SHC3: variants seen among roughly 807,000 people sequenced by gnomAD.
The protein encoded by SHC3 is SHC adaptor protein 3.
Under a neutral mutation model 60.4 loss-of-function variants are expected in SHC3, and 15 were observed. The observed-to-expected ratio is 0.25, with a 90% CI of 0.17 to 0.38. The LOEUF (loss-of-function observed/expected upper bound fraction) is 0.38, where lower values mean the gene tolerates loss of function less well. Ranked by LOEUF, SHC3 falls within the 10% of genes least tolerant of loss-of-function variation. The pLI is 1.00. For missense variants in SHC3, 677 were observed against 786.1 expected (o/e 0.86, Z 1.66); for synonymous variants, 294 against 325.9 (o/e 0.90, Z 1.05).
intron 1 of SHC3, among the ~76,000 whole-genome samples, chr9:89,170,798 C>A (rs962940768): frequency 6.6e-6 from 1 of 152,080 alleles, no homozygotes; most frequent in Non-Finnish European, 1.5e-5. Flanking sequence ...ATTTGTGTAG[C>A]ATTTACATTA....
At chr9:89,114,663 G>A (rs533338874) in intron 1 of SHC3, among the ~76,000 whole-genome samples, 1 of 152,160 alleles carries the variant, frequency 6.6e-6, no homozygotes, top group African/African-American at 2.4e-5. Context: ...GCTAGGTGAT[G>A]AGTATATTTA....
chr9:89,151,840 G>A (rs574433718), intron 1 of SHC3, among the ~76,000 whole-genome samples: 52 of 152,134 alleles, frequency 3.4e-4, no homozygotes, highest in Non-Finnish European at 5.9e-4. Flanking sequence ...TATGATTATA[G>A]GTGATTTTAA....
rs77518659 is a variant in SHC3 at position 89,057,455 on chromosome 9, T to C, written c.836-5292A>G. Among the ~76,000 whole-genome samples the C allele has an allele frequency of 6.7e-3, 1,013 of 151,920 alleles. 7 individuals are homozygous for C. The highest frequency in any genetic ancestry group is 0.017 in the Middle Eastern group (5 of 294). Reference sequence around the variant, plus strand: ...ATAAGGGTATAGCATTTTGCACCCATCAGATTTGTGGGAATTTAAAAGTCT... The same window carrying C: ...ATAAGGGTATAGCATTTTGCACCCACCAGATTTGTGGGAATTTAAAAGTCT... On this transcript the variant is annotated intron_variant, in intron 6 of 11. Transcript: ENST00000375835.
intron 1 of SHC3, among the ~76,000 whole-genome samples, chr9:89,172,492 C>T (rs1826882903): frequency 6.6e-6 from 1 of 151,870 alleles, no homozygotes; most frequent in African/African-American, 2.4e-5. Flanking sequence ...TGTGCAGCTG[C>T]ACATCCCCAC....
At chr9:89,041,582 A>T (rs1824687979) in intron 10 of SHC3, among the ~76,000 whole-genome samples, 1 of 152,192 alleles carries the variant, frequency 6.6e-6, no homozygotes, top group Non-Finnish European at 1.5e-5. Flanking sequence ...CCCTCATAAG[A>T]GAGAGGTGTG....
chr9:89,099,982 T>C (rs1053914027), intron 2 of SHC3, among the ~76,000 whole-genome samples: 1 of 152,224 alleles, frequency 6.6e-6, no homozygotes, highest in African/African-American at 2.4e-5. Flanking sequence ...ATCTGTGCAT[T>C]TCCTATGTTT....
chr9:89,014,561 C>T (rs1826064268), intron 11 of SHC3, among the ~76,000 whole-genome samples: 4 of 152,194 alleles, frequency 2.6e-5, no homozygotes, highest in Non-Finnish European at 5.9e-5. Context: ...TAGCAGTGGT[C>T]TCCTCTCCAT....
Position 89,007,158 on chromosome 9 carries a change from A to G in SHC3, c.*6289T>C, listed in dbSNP as rs1424957068. 2.0e-5 allele frequency: 3 copies of G among 152,246 alleles called. No individual in the cohort carries two copies. The highest frequency in any genetic ancestry group is 2.0e-4 in the Admixed American group (3 of 15,284). 9.4% of individuals were successfully genotyped at this position (152,246 alleles called of 1,614,324 possible). A position where few individuals can be genotyped will look rare whatever the true frequency, so the allele number is the denominator to read the frequency against. On this transcript the variant is annotated 3_prime_UTR_variant, in exon 12 of 12. Coordinates refer to ENST00000375835, the MANE Select transcript of SHC3 (RefSeq NM_016848.6). ...AGCATCTGTGACAGCCAGGAGGAGG[A>G]AAGAAGGGAGGCTGGGATCACCTCC... is the stretch of plus-strand genomic sequence containing the variant.
chr9:89,071,912 C>A (rs1195712032), intron 4 of SHC3, among the ~76,000 whole-genome samples: 1 of 152,220 alleles, frequency 6.6e-6, no homozygotes, highest in African/African-American at 2.4e-5. Flanking sequence ...CCTTGCAAGA[C>A]ATTGTTGTGC....
chr9:89,120,264 T>A (rs1419577378), intron 1 of SHC3, among the ~76,000 whole-genome samples: 1 of 152,018 alleles, frequency 6.6e-6, no homozygotes, highest in Admixed American at 6.6e-5. Flanking sequence ...ACAAAACAAA[T>A]GACATAGGTA....
At chr9:89,020,617 C>A (rs546051123) in intron 11 of SHC3, among the ~76,000 whole-genome samples, 18 of 152,298 alleles carry the variant, frequency 1.2e-4, no homozygotes, top group African/African-American at 4.1e-4. Flanking sequence ...ATCATCCTTA[C>A]CGAAGCTCTT....
At chr9:89,133,303 A>T (rs182074417) in intron 1 of SHC3, among the ~76,000 whole-genome samples, 294 of 152,346 alleles carry the variant, frequency 1.9e-3, no homozygotes, top group African/African-American at 6.6e-3. Flanking sequence ...ACACTTTTAC[A>T]GTGTTGGTGG....
At chr9:89,097,702 T>C (rs116317790) in intron 2 of SHC3, among the ~76,000 whole-genome samples, 2,095 of 152,306 alleles carry the variant, frequency 0.014, 20 homozygotes, top group Middle Eastern at 0.037. Context: ...ACAGGCCTTT[T>C]CTGAGGGCTG....
At position 89,177,182 on chromosome 9, in the gene SHC3, ATT is replaced by A. The variant is rs147458872; in HGVS notation, c.474+803_474+804del. ...GCAGATTACTTGAACTGTGCTGAGC[ATT>A]TTTCCTTAAATATCATAACATGCTT... On this transcript the variant is annotated intron_variant, in intron 1 of 11. Coordinates refer to ENST00000375835, the MANE Select transcript of SHC3 (RefSeq NM_016848.6). 2.0e-5 allele frequency among the ~76,000 whole-genome samples: 3 copies of A among 152,292 alleles called. No individual in the cohort carries two copies. The East Asian group carries it at 5.8e-4, about 29-fold the overall frequency.
intron 1 of SHC3, among the ~76,000 whole-genome samples, chr9:89,162,690 C>T (rs1277536986): frequency 6.7e-6 from 1 of 150,266 alleles, no homozygotes; most frequent in African/African-American, 2.5e-5. Context: ...TGGTCAAGGA[C>T]TTCATGTCTA....
At chr9:89,055,143 A>C (rs919026056) in intron 6 of SHC3, among the ~76,000 whole-genome samples, 1 of 152,242 alleles carries the variant, frequency 6.6e-6, no homozygotes, top group African/African-American at 2.4e-5. Flanking sequence ...TGGCATGTCC[A>C]CTCACATCTC....
At chr9:89,092,709 T>C (rs1825642832) in intron 2 of SHC3, among the ~76,000 whole-genome samples, 1 of 151,740 alleles carries the variant, frequency 6.6e-6, no homozygotes, top group South Asian at 2.1e-4. Flanking sequence ...GAAGATGGTA[T>C]GATTCCCATT....
At chr9:89,019,638 A>T (rs1826165312) in intron 11 of SHC3, among the ~76,000 whole-genome samples, 2 of 152,196 alleles carry the variant, frequency 1.3e-5, no homozygotes, top group Non-Finnish European at 2.9e-5. Context: ...TAAAATTTAA[A>T]ATGCCATACC....
chr9:89,079,830 A>G (rs1454651924), intron 2 of SHC3, among the ~76,000 whole-genome samples: 1 of 152,222 alleles, frequency 6.6e-6, no homozygotes, highest in African/African-American at 2.4e-5. Context: ...CTCAGGGAAA[A>G]TCCTAAGGAT....
Sources: allele counts gnomAD v4.1 joint callset (sites outside exome capture counted in the v4.1 genomes callset), GRCh38; gene constraint gnomAD v4.1.1; transcripts MANE v1.5; gene names NCBI Gene and HGNC (gene_info 2026-07-23, HGNC 2026-07-21).